Variants in EBF2 observed in about 807,000 individuals in gnomAD.
EBF2 encodes EBF transcription factor 2, also known as transcription factor COE2.
EBF2 carries 21 observed loss-of-function variants against 72.8 expected under a neutral mutation model. The ratio of observed to expected loss-of-function variants is 0.29; its 90% CI spans 0.20 to 0.42. The LOEUF (loss-of-function observed/expected upper bound fraction) is 0.42. Among genes scored for constraint, EBF2 ranks in the 10% least tolerant of loss-of-function variants. The probability of loss-of-function intolerance (pLI) is 1.00; values close to 1 mark genes in which losing one functional copy is unlikely to be tolerated. For synonymous variants in EBF2, 299 were observed against 274.2 expected, an observed-to-expected ratio of 1.09 and a Z score of -0.89; for missense variants, 637 against 731.2, an observed-to-expected ratio of 0.87 and a Z score of 1.49.
chr8:26,009,106 C>T (rs551056020), intron 6 of EBF2, among the ~76,000 whole-genome samples: 623 of 10,674 alleles, frequency 0.058, 12 homozygotes, highest in South Asian at 0.27. Flanking sequence ...TGAGTAAAAG[C>T]GAAAAAAAAA....
At chr8:25,951,126 A>T (rs542638124) in intron 6 of EBF2, among the ~76,000 whole-genome samples, 1 of 152,350 alleles carries the variant, frequency 6.6e-6, no homozygotes, top group South Asian at 2.1e-4. Flanking sequence ...TTTCCAGGCA[A>T]TTAAATTAGC....
chr8:25,924,318 T>G (rs2117138044), intron 6 of EBF2, among the ~76,000 whole-genome samples: 1 of 152,322 alleles, frequency 6.6e-6, no homozygotes, highest in South Asian at 2.1e-4. Flanking sequence ...AAAATCAGCC[T>G]CTGGTAAGTA....
At chr8:25,850,866 C>T (rs1585256651) in intron 14 of EBF2, 105 bp from the exon 15 acceptor site, 2 of 1,313,750 alleles carry the variant, frequency 1.5e-6, no homozygotes, top group East Asian at 2.9e-5. Flanking sequence ...TGCATTGTTC[C>T]AGATTGCAGG....
At chr8:25,917,156 T>C (rs1803231070) in intron 6 of EBF2, among the ~76,000 whole-genome samples, 1 of 151,436 alleles carries the variant, frequency 6.6e-6, no homozygotes, top group Admixed American at 6.6e-5. Flanking sequence ...TCTGAGGACC[T>C]GGGGTTAGAT....
intron 6 of EBF2, among the ~76,000 whole-genome samples, chr8:25,923,936 C>T (rs986122247): frequency 3.9e-5 from 4 of 101,384 alleles, no homozygotes; most frequent in Non-Finnish European, 2.6e-5. Context: ...TATGCTTCTC[C>T]TAATGAGATG....
chr8:25,862,865 T>C (rs1290255960), intron 10 of EBF2, 68 bp from the exon 11 acceptor site: 1 of 1,200,826 alleles, frequency 8.3e-7, no homozygotes. Context: ...AATTAATTCT[T>C]CCACAGGTAA....
At chr8:25,904,306 C>G (rs1803002354) in intron 7 of EBF2, among the ~76,000 whole-genome samples, 1 of 149,100 alleles carries the variant, frequency 6.7e-6, no homozygotes, top group Non-Finnish European at 1.5e-5. Context: ...TTTTTTATGT[C>G]CTATAATACT....
chr8:25,900,057 T>A (rs1028285816), intron 7 of EBF2, among the ~76,000 whole-genome samples: 1 of 152,126 alleles, frequency 6.6e-6, no homozygotes, highest in Non-Finnish European at 1.5e-5. Context: ...CCCATCAAGA[T>A]GCCCTTCCAG....
chr8:26,026,624 C>T (rs927546630), intron 6 of EBF2, among the ~76,000 whole-genome samples: 2 of 152,188 alleles, frequency 1.3e-5, no homozygotes, highest in African/African-American at 4.8e-5. Flanking sequence ...GAATGTGACT[C>T]ACACAATCTC....
chr8:25,975,508 T>G (rs1188221487), intron 6 of EBF2, among the ~76,000 whole-genome samples: 10 of 152,228 alleles, frequency 6.6e-5, no homozygotes, highest in Non-Finnish European at 1.2e-4. Flanking sequence ...ATAAGTTGAA[T>G]AATATGCTTT....
At chr8:25,859,569 A>G (rs1263927840) in intron 13 of EBF2, among the ~76,000 whole-genome samples, 1 of 152,218 alleles carries the variant, frequency 6.6e-6, no homozygotes, top group East Asian at 1.9e-4. Context: ...GAAACATCGT[A>G]TCATATGTCC....
intron 6 of EBF2, among the ~76,000 whole-genome samples, chr8:25,945,088 G>GCCCAC (rs1803744005): frequency 7.9e-6 from 1 of 127,380 alleles, no homozygotes; most frequent in African/African-American, 3.0e-5. Context: ...TTGTTCTGTT[G>GCCCAC]CCCCCCCCGC....
chr8:25,862,532 TAATA>T (rs1009161990), intron 11 of EBF2, among the ~76,000 whole-genome samples, 173 bp downstream of exon 11: 48 of 152,302 alleles, frequency 3.2e-4, no homozygotes, highest in African/African-American at 2.4e-4. Flanking sequence ...CCTCAGAGAT[TAATA>T]AATAAGACCA....
At chr8:26,020,521 T>C (rs967991690) in intron 6 of EBF2, among the ~76,000 whole-genome samples, 3 of 152,302 alleles carry the variant, frequency 2.0e-5, no homozygotes, top group Middle Eastern at 3.4e-3. Flanking sequence ...TGTTTCTCAT[T>C]GCCTGAGTAG....
intron 6 of EBF2, among the ~76,000 whole-genome samples, chr8:26,019,980 C>T (rs1805180086): frequency 6.6e-6 from 1 of 152,114 alleles, no homozygotes; most frequent in African/African-American, 2.4e-5. Context: ...GTTCAGGGGG[C>T]TCAAAGGATA....
intron 6 of EBF2, among the ~76,000 whole-genome samples, chr8:26,022,710 G>A (rs1009945273): frequency 3.3e-5 from 5 of 152,134 alleles, no homozygotes; most frequent in Admixed American, 6.5e-5. Context: ...CTCCTTGGTG[G>A]TCTCGAGGGG....
intron 10 of EBF2, among the ~76,000 whole-genome samples, chr8:25,882,253 A>G (rs1802615886): frequency 2.0e-5 from 3 of 152,170 alleles, no homozygotes; most frequent in Non-Finnish European, 2.9e-5. Context: ...CTGAACAGTG[A>G]GGCACTGAAG....
At chr8:26,037,363 A>G (rs1224418794) in intron 5 of EBF2, among the ~76,000 whole-genome samples, 1 of 152,230 alleles carries the variant, frequency 6.6e-6, no homozygotes, top group Non-Finnish European at 1.5e-5. Context: ...TCCCCTCCAA[A>G]ATAGTTTTTA....
At chr8:25,945,088 G>GCCCCCCCCCCCCCCCCCCCCCC (rs11461828) in intron 6 of EBF2, among the ~76,000 whole-genome samples, 2 of 127,376 alleles carry the variant, frequency 1.6e-5, no homozygotes, top group Non-Finnish European at 3.2e-5. Flanking sequence ...TTGTTCTGTT[G>GCCCCCCCCCCCCCCCCCCCCCC]CCCCCCCCGC....
Sources: allele counts gnomAD v4.1 joint callset (sites outside exome capture counted in the v4.1 genomes callset), GRCh38; gene constraint gnomAD v4.1.1; transcripts MANE v1.5; gene names NCBI Gene and HGNC (gene_info 2026-07-23, HGNC 2026-07-21).